CCDC73: variants seen among roughly 807,000 people sequenced by gnomAD.
The protein encoded by CCDC73 is coiled-coil domain containing 73, also known as coiled-coil domain-containing protein 73.
Under a neutral mutation model 116.5 loss-of-function variants are expected in CCDC73, and 95 were observed. The observed-to-expected ratio is 0.82, with a 90% CI of 0.69 to 0.97. The LOEUF (loss-of-function observed/expected upper bound fraction) is 0.97, where lower values mean the gene tolerates loss of function less well. CCDC73 is among the 50% of genes least tolerant of loss of function. The pLI is 0.00. For synonymous variants in CCDC73, 398 were observed against 401.3 expected, an observed-to-expected ratio of 0.99 and a Z score of 0.10; for missense variants, 1,066 against 1,206.8, an observed-to-expected ratio of 0.88 and a Z score of 1.73.
the CCDC73 span, among the ~76,000 whole-genome samples, chr11:32,802,778 A>C: frequency 0.1 from 15,383 of 152,200 alleles, 1,041 homozygotes; most frequent in Non-Finnish European, 0.15. Flanking sequence ...TTTGAGACAG[A>C]GTCTTGCTCT....
chr11:32,634,034 T>C (rs963331631), intron 14 of CCDC73, among the ~76,000 whole-genome samples: 1 of 152,148 alleles, frequency 6.6e-6, no homozygotes, highest in Non-Finnish European at 1.5e-5. Flanking sequence ...GTAAATAATT[T>C]AAATACTGAA....
At chr11:32,655,034 T>G (rs1855858892) in intron 9 of CCDC73, 62 bp from the exon 10 acceptor site, 12 of 1,409,890 alleles carry the variant, frequency 8.5e-6, no homozygotes, top group African/African-American at 1.5e-5. Context: ...ACAAGGTACT[T>G]TCCTGACAGT....
intron 6 of CCDC73, among the ~76,000 whole-genome samples, chr11:32,685,586 G>C (rs1008896971): frequency 6.6e-6 from 1 of 152,126 alleles, no homozygotes; most frequent in Non-Finnish European, 1.5e-5. Flanking sequence ...GTTCAGAGAG[G>C]GGCAAGGGAA....
Position 32,699,270 on chromosome 11 carries a change from TCC to T in CCDC73, c.369_370del (p.Glu124AsnfsTer9). ...TTTTACCTGTAGTGCTTTTAATGTT[TCC>T]TTCAATCCTTCTATTTCTTTTTCCT... On this transcript the variant is annotated frameshift_variant, in exon 6 of 18. Coordinates refer to ENST00000335185, the MANE Select transcript of CCDC73 (RefSeq NM_001008391.4). LOFTEE classifies it high-confidence loss of function. 6.3e-7 allele frequency: 1 copy of T among 1,582,112 alleles called. No individual in the cohort carries two copies.
chr11:32,760,743 T>G (rs1035906738), intron 1 of CCDC73, among the ~76,000 whole-genome samples: 2 of 152,188 alleles, frequency 1.3e-5, no homozygotes, highest in Non-Finnish European at 2.9e-5. Context: ...ACCCAGAAAA[T>G]GTATGAGTCA....
intron 2 of CCDC73, among the ~76,000 whole-genome samples, chr11:32,738,501 T>C (rs1850155476): frequency 6.6e-6 from 1 of 152,208 alleles, no homozygotes; most frequent in African/African-American, 2.4e-5. Context: ...TTGTATGCCT[T>C]CTTTTGAGAA....
chr11:32,767,691 C>T (rs1262709058), intron 1 of CCDC73, among the ~76,000 whole-genome samples: 2 of 152,162 alleles, frequency 1.3e-5, no homozygotes. Context: ...CAAAAGAAGA[C>T]ATTTATGCAG....
the CCDC73 span, chr11:32,829,921 C>T: frequency 2.0e-6 from 2 of 985,502 alleles, no homozygotes; most frequent in African/African-American, 3.5e-5. Context: ...GCCGCCTCCT[C>T]CCGTCCTCCG....
At chr11:32,655,091 C>CAAGA in intron 9 of CCDC73, 119 bp from the exon 10 acceptor site, 1 of 409,050 alleles carries the variant, frequency 2.4e-6, no homozygotes. Flanking sequence ...TTATAATTCC[C>CAAGA]TTGCAAGTTC....
intron 2 of CCDC73, among the ~76,000 whole-genome samples, chr11:32,742,182 C>G (rs951922074): frequency 5.9e-5 from 9 of 152,138 alleles, no homozygotes; most frequent in Non-Finnish European, 1.2e-4. Flanking sequence ...CCAGTAATGG[C>G]ATGGCTGGGT....
At chr11:32,628,040 C>T (rs537519067) in intron 14 of CCDC73, among the ~76,000 whole-genome samples, 2 of 152,222 alleles carry the variant, frequency 1.3e-5, no homozygotes, top group East Asian at 1.9e-4. Flanking sequence ...TTCCCTAGAA[C>T]GTATATTGTA....
chr11:32,614,240 A>T lies in CCDC73; in HGVS notation c.2078T>A (p.Leu693Ter). 1 of 1,613,730 alleles carries T rather than the reference A, an allele frequency of 6.2e-7. No individual in the cohort carries two copies. Among genetic ancestry groups the T allele is most frequent in the South Asian group, 1.1e-5 (1 of 91,084 alleles). The change falls in exon 16 of 18, where the codon TTA (leucine) becomes TAA (stop). Residue 693 changes from leucine to a stop codon, truncating the protein, a stop_gained. Coordinates refer to ENST00000335185, the MANE Select transcript of CCDC73 (RefSeq NM_001008391.4). LOFTEE classifies it high-confidence loss of function. ...SDFLQVCNDT[L>*]EKSELTVPCD... ...GGGAACAGTTAGTTCAGATTTCTCTAAAGTATCATTACAGACTTGCAGAAA... is the reference window on the plus strand; with the variant it reads ...GGGAACAGTTAGTTCAGATTTCTCTTAAGTATCATTACAGACTTGCAGAAA...
chr11:32,647,107 A>G (rs1437800055), intron 12 of CCDC73, among the ~76,000 whole-genome samples: 2 of 152,168 alleles, frequency 1.3e-5, no homozygotes, highest in East Asian at 3.9e-4. Flanking sequence ...TTGTTCTTGC[A>G]TTGTTAAAGA....
At chr11:32,822,871 C>T in the CCDC73 span, among the ~76,000 whole-genome samples, 1 of 152,090 alleles carries the variant, frequency 6.6e-6, no homozygotes, top group Non-Finnish European at 1.5e-5. Context: ...TTGGTACCAT[C>T]TTAAGAATTA....
intron 2 of CCDC73, among the ~76,000 whole-genome samples, chr11:32,739,306 T>C (rs909994561): frequency 1.3e-5 from 2 of 152,164 alleles, no homozygotes; most frequent in African/African-American, 2.4e-5. Flanking sequence ...TTGAACAATA[T>C]TGATTCTTCC....
At chr11:32,680,019 T>C (rs1856129274) in intron 7 of CCDC73, 1 of 152,228 alleles carries the variant, frequency 6.6e-6, no homozygotes, top group African/African-American at 2.4e-5. Flanking sequence ...TCAATGGCCA[T>C]GATATATAAC....
intron 14 of CCDC73, among the ~76,000 whole-genome samples, chr11:32,634,508 C>T (rs1380349281): frequency 1.3e-5 from 2 of 151,990 alleles, no homozygotes; most frequent in Non-Finnish European, 2.9e-5. Context: ...TGAAAGGAAA[C>T]GTTCTCAAAC....
chr11:32,628,131 C>G (rs1855593631), intron 14 of CCDC73, among the ~76,000 whole-genome samples: 1 of 152,100 alleles, frequency 6.6e-6, no homozygotes, highest in African/African-American at 2.4e-5. Flanking sequence ...AAACTAGATA[C>G]AGTGTATGAA....
intron 1 of CCDC73, among the ~76,000 whole-genome samples, chr11:32,767,471 G>A (rs1850453167): frequency 6.6e-6 from 1 of 152,160 alleles, no homozygotes; most frequent in South Asian, 2.1e-4. Flanking sequence ...ATTGACAAAT[G>A]GGATCTAATT....
Sources: gnomAD v4.1 joint callset for allele counts (sites outside exome capture counted in the v4.1 genomes callset) on GRCh38, gnomAD v4.1.1 for gene constraint, MANE v1.5 for transcripts, NCBI Gene and HGNC (gene_info 2026-07-23, HGNC 2026-07-21) for gene names.